Variants in GRIA2 observed in about 807,000 individuals in gnomAD.
GRIA2 encodes the protein glutamate receptor 2.
A neutral mutation model predicts 97.3 loss-of-function variants in GRIA2; 14 were observed. That is an observed-to-expected ratio of 0.14 (90% CI 0.10 to 0.23). The LOEUF is 0.23. Among genes scored for constraint, GRIA2 ranks in the 10% least tolerant of loss-of-function variants. The pLI is 1.00. For synonymous variants in GRIA2, 412 were observed against 387.8 expected (o/e 1.06, Z -0.73); for missense variants, 558 against 1,069.8 (o/e 0.52, Z 6.67).
intron 2 of GRIA2, among the ~76,000 whole-genome samples, chr4:157,241,803 A>G: frequency 6.6e-6 from 1 of 152,050 alleles, no homozygotes; most frequent in East Asian, 1.9e-4. Flanking sequence ...TTTGAAAACC[A>G]TAGAGCATCA....
chr4:157,359,775 G>T (rs1463601353), intron 12 of GRIA2, 121 bp from the exon 13 acceptor site: 11 of 806,086 alleles, frequency 1.4e-5, no homozygotes, highest in Non-Finnish European at 2.0e-5. Flanking sequence ...GTTGAAAGAT[G>T]AGATTTGTTC....
At position 157,333,275 on chromosome 4, in the gene GRIA2, T is replaced by C. The variant is rs748296770; in HGVS notation, c.1077T>C (p.Asn359=). ...KQVQVEGLSG[N]IKFDQNGKRI... ...TTCAGGTTGAAGGTCTCTCAGGAAA[T>C]ATAAAGTTTGACCAGAATGGAAAAA... The change falls in exon 8 of 16, where the codon AAT becomes AAC. Residue 359 remains asparagine (N), a synonymous_variant. Coordinates refer to ENST00000264426, the MANE Select transcript of GRIA2 (RefSeq NM_001083619.3). 3.8e-6 allele frequency: 6 copies of C among 1,594,244 alleles called. No individual in the cohort carries two copies. Among genetic ancestry groups the C allele is most frequent in the Non-Finnish European group, 5.1e-6 (6 of 1,166,322 alleles).
intron 2 of GRIA2, among the ~76,000 whole-genome samples, chr4:157,299,916 T>C (rs1733538589): frequency 6.6e-6 from 1 of 152,188 alleles, no homozygotes; most frequent in Admixed American, 6.5e-5. Context: ...AAACTTATAA[T>C]AGTGTCTCAC....
At chr4:157,315,343 A>C (rs1299133109) in intron 4 of GRIA2, among the ~76,000 whole-genome samples, 3 of 151,214 alleles carry the variant, frequency 2.0e-5, no homozygotes, top group Non-Finnish European at 4.4e-5. Context: ...CAAGGAATAG[A>C]TTACCTGGCA....
At chr4:157,299,065 A>G (rs1443633954) in intron 2 of GRIA2, among the ~76,000 whole-genome samples, 11 of 152,126 alleles carry the variant, frequency 7.2e-5, no homozygotes, top group Admixed American at 2.0e-4. Flanking sequence ...CCAAGATGGT[A>G]TAATTTTACT....
intron 2 of GRIA2, among the ~76,000 whole-genome samples, chr4:157,288,811 T>C (rs1382832981): frequency 1.3e-5 from 2 of 151,836 alleles, no homozygotes; most frequent in Non-Finnish European, 2.9e-5. Flanking sequence ...TAAGGTCTTA[T>C]GTTTCTTTAT....
At chr4:157,270,576 A>G (rs1388836925) in intron 2 of GRIA2, among the ~76,000 whole-genome samples, 1 of 152,052 alleles carries the variant, frequency 6.6e-6, no homozygotes, top group Admixed American at 6.6e-5. Flanking sequence ...ATTCTAGACC[A>G]TTTTCTGTGC....
chr4:157,251,320 G>T (rs1304222180), intron 2 of GRIA2, among the ~76,000 whole-genome samples: 2 of 151,924 alleles, frequency 1.3e-5, no homozygotes, highest in Non-Finnish European at 2.9e-5. Flanking sequence ...TTTCTGACAG[G>T]GTGGCTTATT....
chr4:157,266,459 T>A (rs2126780106), intron 2 of GRIA2, among the ~76,000 whole-genome samples: 1 of 152,064 alleles, frequency 6.6e-6, no homozygotes, highest in African/African-American at 2.4e-5. Context: ...TGTGGTGTCG[T>A]GGAAGGCAAG....
chr4:157,261,119 C>T (rs547943672), intron 2 of GRIA2, among the ~76,000 whole-genome samples: 1 of 152,162 alleles, frequency 6.6e-6, no homozygotes, highest in Admixed American at 6.6e-5. Flanking sequence ...ATTCATAGTT[C>T]CATATGGCTG....
At chr4:157,295,882 C>A (rs1449567121) in intron 2 of GRIA2, among the ~76,000 whole-genome samples, 2 of 152,086 alleles carry the variant, frequency 1.3e-5, no homozygotes, top group African/African-American at 4.8e-5. Context: ...TTACGACAAA[C>A]TTTAAAACTT....
intron 2 of GRIA2, among the ~76,000 whole-genome samples, chr4:157,247,360 A>C (rs759149011): frequency 6.6e-6 from 1 of 152,184 alleles, no homozygotes. Context: ...TGATTGATGA[A>C]ACTGGGAAAT....
chr4:157,348,001 A>G (rs1735835038), intron 12 of GRIA2, among the ~76,000 whole-genome samples: 1 of 151,976 alleles, frequency 6.6e-6, no homozygotes, highest in Non-Finnish European at 1.5e-5. Flanking sequence ...GCACGTGCCC[A>G]GCTACTCGGG....
intron 2 of GRIA2, among the ~76,000 whole-genome samples, chr4:157,262,815 C>T (rs1731605103): frequency 6.6e-6 from 1 of 151,870 alleles, no homozygotes. Flanking sequence ...CCGAAGTCAC[C>T]ATAAAAACTT....
intron 2 of GRIA2, among the ~76,000 whole-genome samples, chr4:157,294,731 A>G (rs1263860529): frequency 6.6e-6 from 1 of 152,120 alleles, no homozygotes; most frequent in Non-Finnish European, 1.5e-5. Flanking sequence ...GCATGGAGAC[A>G]TTTGAAAGCT....
chr4:157,284,640 C>T lies in GRIA2; in HGVS notation c.230-18912C>T, dbSNP rs1394007348. On this transcript the variant is annotated intron_variant, in intron 2 of 15. Coordinates refer to ENST00000264426, the MANE Select transcript of GRIA2 (RefSeq NM_001083619.3). Reference sequence around the variant, plus strand: ...TGATGTGTATCTTTTCTACAAATTCCACTGTATTCTTACTACTCATATGGT... The same window carrying T: ...TGATGTGTATCTTTTCTACAAATTCTACTGTATTCTTACTACTCATATGGT... Among the ~76,000 whole-genome samples the T allele has an allele frequency of 5.9e-5, 9 of 151,682 alleles. No individual in the cohort carries two copies. In the South Asian group the frequency reaches 1.7e-3, roughly 28 times the overall value.
intron 2 of GRIA2, among the ~76,000 whole-genome samples, chr4:157,278,695 G>T (rs552550959): frequency 6.6e-6 from 1 of 151,674 alleles, no homozygotes; most frequent in Non-Finnish European, 1.5e-5. Context: ...CAGAATTTGA[G>T]AAAATATTTT....
At chr4:157,303,441 C>T in intron 2 of GRIA2, 111 bp from the exon 3 acceptor site, 1 of 812,142 alleles carries the variant, frequency 1.2e-6, no homozygotes, top group Non-Finnish European at 2.0e-6. Flanking sequence ...ATATTTCTTT[C>T]AATATGTTAA....
At chr4:157,273,070 TA>T in intron 2 of GRIA2, among the ~76,000 whole-genome samples, 1 of 152,066 alleles carries the variant, frequency 6.6e-6, no homozygotes, top group Middle Eastern at 3.4e-3. Context: ...AATACAACAA[TA>T]AAAATGATAC....
Sources: gnomAD v4.1 joint callset for allele counts (sites outside exome capture counted in the v4.1 genomes callset) on GRCh38, gnomAD v4.1.1 for gene constraint, MANE v1.5 for transcripts, NCBI Gene and HGNC (gene_info 2026-07-23, HGNC 2026-07-21) for gene names.